The following ARNT2 variants were observed in gnomAD, a reference collection of about 807,000 sequenced individuals.
ARNT2 encodes the protein ARNT protein 2.
In ARNT2, 36 loss-of-function variants were observed where a neutral mutation model predicts 91.7. The observed-to-expected ratio is 0.39, with a 90% CI of 0.30 to 0.52. The LOEUF (loss-of-function observed/expected upper bound fraction) is 0.52, where lower values mean the gene tolerates loss of function less well. ARNT2 is among the 20% of genes least tolerant of loss of function. The pLI, the probability that ARNT2 is intolerant of heterozygous loss-of-function variation, is 0.72. For synonymous variants in ARNT2, 365 were observed against 347.1 expected (o/e 1.05, Z -0.57); for missense variants, 775 against 939.3 (o/e 0.83, Z 2.29).
chr15:80,426,378 C>G (rs1012719892), intron 1 of ARNT2, among the ~76,000 whole-genome samples: 1 of 152,154 alleles, frequency 6.6e-6, no homozygotes. Context: ...CCCTGTATTT[C>G]TTGTTTTGAG....
At position 80,464,353 on chromosome 15, in the gene ARNT2, A is replaced by G. The variant is rs576695558; in HGVS notation, c.195-5865A>G. Reference sequence around the variant, plus strand: ...GGGGTTGCAAGGATCGATTGCAGTCAGTGCTGAGAGAGTGCTTGGGAAGCT... The same window carrying G: ...GGGGTTGCAAGGATCGATTGCAGTCGGTGCTGAGAGAGTGCTTGGGAAGCT... On this transcript the variant is annotated intron_variant, in intron 3 of 18. Coordinates refer to ENST00000303329, the MANE Select transcript of ARNT2 (RefSeq NM_014862.4). Among the ~76,000 whole-genome samples, 9 of 152,226 alleles carry G rather than the reference A, an allele frequency of 5.9e-5. No individual in the cohort carries two copies. The East Asian group carries it at 9.7e-4, about 16-fold the overall frequency.
intron 3 of ARNT2, among the ~76,000 whole-genome samples, chr15:80,462,376 G>A (rs191011990): frequency 3.3e-5 from 5 of 152,194 alleles, no homozygotes; most frequent in African/African-American, 7.2e-5. Flanking sequence ...TGTGCCTTAC[G>A]TATGTGAATG....
At chr15:80,513,242 T>A (rs74027806) in intron 6 of ARNT2, among the ~76,000 whole-genome samples, 2,655 of 152,256 alleles carry the variant, frequency 0.017, 82 homozygotes, top group African/African-American at 0.061. Flanking sequence ...AGGATCATTG[T>A]AAAGGGAGGC....
chr15:80,581,994 GACC>G (rs1898807455), intron 17 of ARNT2, among the ~76,000 whole-genome samples: 1 of 152,172 alleles, frequency 6.6e-6, no homozygotes, highest in African/African-American at 2.4e-5. Context: ...GCTCATAAGA[GACC>G]CGTGGTCCTG....
At chr15:80,481,969 A>G (rs1896898502) in intron 5 of ARNT2, among the ~76,000 whole-genome samples, 1 of 152,166 alleles carries the variant, frequency 6.6e-6, no homozygotes, top group Admixed American at 6.5e-5. Context: ...TAGCACAGTC[A>G]TAGCTTGCTG....
Position 80,597,055 on chromosome 15 carries a change from G to A in ARNT2, c.*3357G>A. On this transcript the variant is annotated 3_prime_UTR_variant, in exon 19 of 19. Transcript: ENST00000303329. ...AGACGTGAATGTTGCAGAGAGTGGG[G>A]GGATTCTGGTTGTTAAGGAACTTAC... 1 of 476,530 alleles carries A rather than the reference G, an allele frequency of 2.1e-6. No individual in the cohort carries two copies. Among genetic ancestry groups the A allele is most frequent in the Non-Finnish European group, 4.2e-6 (1 of 238,640 alleles). 29.5% of individuals were successfully genotyped at this position (476,530 alleles called of 1,614,324 possible). A position where few individuals can be genotyped will look rare whatever the true frequency, so the allele number is the denominator to read the frequency against.
chr15:80,455,706 A>G (rs1896471955), intron 2 of ARNT2, among the ~76,000 whole-genome samples: 1 of 151,788 alleles, frequency 6.6e-6, no homozygotes, highest in Admixed American at 6.6e-5. Context: ...CACCCTAAAC[A>G]CCCCGAAGAT....
At chr15:80,543,722 A>G (rs1457719153) in intron 8 of ARNT2, among the ~76,000 whole-genome samples, 1 of 152,152 alleles carries the variant, frequency 6.6e-6, no homozygotes, top group Admixed American at 6.5e-5. Context: ...CTAATATGCA[A>G]TTAATACCAT....
At chr15:80,494,978 T>C (rs1897106492) in intron 5 of ARNT2, among the ~76,000 whole-genome samples, 1 of 152,168 alleles carries the variant, frequency 6.6e-6, no homozygotes, top group African/African-American at 2.4e-5. Context: ...GACAAAGGGA[T>C]TGACATGCAA....
intron 9 of ARNT2, among the ~76,000 whole-genome samples, chr15:80,551,951 G>A (rs906991828): frequency 1.3e-5 from 2 of 152,136 alleles, no homozygotes; most frequent in African/African-American, 4.8e-5. Flanking sequence ...TCAAGGCCAG[G>A]GAACGTGTCT....
At chr15:80,414,971 G>A (rs1895757028) in intron 1 of ARNT2, among the ~76,000 whole-genome samples, 1 of 152,138 alleles carries the variant, frequency 6.6e-6, no homozygotes, top group Non-Finnish European at 1.5e-5. Flanking sequence ...GGCAGCACTG[G>A]ACACTTATGC....
At chr15:80,417,030 T>G (rs567134253) in intron 1 of ARNT2, among the ~76,000 whole-genome samples, 25 of 152,330 alleles carry the variant, frequency 1.6e-4, no homozygotes, top group African/African-American at 6.0e-4. Context: ...AATTGTAACA[T>G]TAACACTTTC....
intron 5 of ARNT2, among the ~76,000 whole-genome samples, chr15:80,503,085 G>T (rs1277101694): frequency 6.6e-6 from 1 of 152,188 alleles, no homozygotes. Context: ...ATGGCTCTAA[G>T]CAGAACCCAG....
chr15:80,498,368 G>T (rs539588370), intron 5 of ARNT2, among the ~76,000 whole-genome samples: 14 of 152,274 alleles, frequency 9.2e-5, no homozygotes, highest in South Asian at 8.3e-4. Flanking sequence ...CTTGGTGTGG[G>T]ATTCATCTCT....
chr15:80,507,145 A>C (rs546307820), intron 5 of ARNT2, among the ~76,000 whole-genome samples: 1 of 152,150 alleles, frequency 6.6e-6, no homozygotes, highest in Non-Finnish European at 1.5e-5. Flanking sequence ...GTTTTCCCCT[A>C]AGATGGAAGA....
chr15:80,553,589 A>T (rs1241330996), intron 10 of ARNT2, among the ~76,000 whole-genome samples: 1 of 152,200 alleles, frequency 6.6e-6, no homozygotes, highest in Admixed American at 6.5e-5. Flanking sequence ...ATACATGCAT[A>T]TGTATGAATA....
chr15:80,579,911 G>T (rs939750520), intron 15 of ARNT2: 2 of 159,238 alleles, frequency 1.3e-5, no homozygotes, highest in African/African-American at 4.8e-5. Context: ...GCCCCATCCA[G>T]CAGGTTTTCA....
chr15:80,530,357 C>T (rs1001340005), intron 8 of ARNT2, among the ~76,000 whole-genome samples: 2 of 152,156 alleles, frequency 1.3e-5, no homozygotes, highest in Non-Finnish European at 2.9e-5. Context: ...TGCCACCATA[C>T]TGCTTGCTGG....
At chr15:80,577,354 C>G (rs1898694781) in intron 15 of ARNT2, among the ~76,000 whole-genome samples, 1 of 152,234 alleles carries the variant, frequency 6.6e-6, no homozygotes, top group African/African-American at 2.4e-5. Context: ...GAAGACTGGT[C>G]AGCTCAGCCC....
Sources: allele counts gnomAD v4.1 joint callset (sites outside exome capture counted in the v4.1 genomes callset), GRCh38; gene constraint gnomAD v4.1.1; transcripts MANE v1.5; gene names NCBI Gene and HGNC (gene_info 2026-07-23, HGNC 2026-07-21).